The following DYM variants were observed in gnomAD, a reference collection of about 807,000 sequenced individuals.
The protein encoded by DYM is dymeclin, also known as dyggve-Melchior-Clausen syndrome protein.
Under a neutral mutation model 93.1 loss-of-function variants are expected in DYM, and 78 were observed. The ratio of observed to expected loss-of-function variants is 0.84; its 90% CI spans 0.70 to 1.01. The LOEUF (loss-of-function observed/expected upper bound fraction) is 1.01. Among genes scored for constraint, DYM ranks in the 50% least tolerant of loss-of-function variants. The pLI, the probability that DYM is intolerant of heterozygous loss-of-function variation, is 0.00. For synonymous variants in DYM, 321 were observed against 319.7 expected (o/e 1.00, Z -0.04); for missense variants, 789 against 845.0 (o/e 0.93, Z 0.82).
chr18:49,116,299 A>G (rs958847259), intron 16 of DYM: 1 of 152,228 alleles, frequency 6.6e-6, no homozygotes, highest in Non-Finnish European at 1.5e-5. Flanking sequence ...TAGAGAACTG[A>G]GCTAGAAGCA....
intron 15 of DYM, among the ~76,000 whole-genome samples, chr18:49,147,918 C>T (rs891280294): frequency 2.1e-4 from 32 of 152,230 alleles, no homozygotes; most frequent in East Asian, 5.8e-4. Context: ...GCACTATTCA[C>T]GATAGCAAAG....
intron 10 of DYM, among the ~76,000 whole-genome samples, chr18:49,275,322 T>C (rs1483816821): frequency 2.0e-5 from 3 of 152,192 alleles, no homozygotes; most frequent in African/African-American, 4.8e-5. Flanking sequence ...ACTCCATTGA[T>C]GTATTATGTC....
chr18:49,415,678 A>G (rs1354463163), intron 2 of DYM, among the ~76,000 whole-genome samples: 2 of 152,114 alleles, frequency 1.3e-5, no homozygotes, highest in Non-Finnish European at 2.9e-5. Flanking sequence ...CTGTAATCCC[A>G]GCACTTTTGG....
At chr18:49,193,991 CT>C (rs2091214233) in intron 14 of DYM, among the ~76,000 whole-genome samples, 1 of 152,212 alleles carries the variant, frequency 6.6e-6, no homozygotes, top group Non-Finnish European at 1.5e-5. Flanking sequence ...ATTTACATCA[CT>C]GTCTATTTAA....
chr18:49,411,117 C>A (rs2072193079), intron 2 of DYM, among the ~76,000 whole-genome samples: 1 of 152,102 alleles, frequency 6.6e-6, no homozygotes, highest in Non-Finnish European at 1.5e-5. Context: ...AGTAACTTGT[C>A]CAATGTCACG....
At chr18:49,050,833 T>G (rs2072344392) in intron 17 of DYM, among the ~76,000 whole-genome samples, 1 of 152,092 alleles carries the variant, frequency 6.6e-6, no homozygotes. Context: ...TTTCCCCAAC[T>G]AGAACAAACA....
chr18:49,386,657 T>C (rs1263592063), intron 3 of DYM, among the ~76,000 whole-genome samples: 3 of 152,168 alleles, frequency 2.0e-5, no homozygotes. Flanking sequence ...TGACTAGATG[T>C]CATGTGGCAC....
chr18:49,098,283 G>T (rs861300), intron 16 of DYM, among the ~76,000 whole-genome samples: 1 of 152,002 alleles, frequency 6.6e-6, no homozygotes, highest in Admixed American at 6.6e-5. Flanking sequence ...AAATTATTGT[G>T]TTTTTGTAAA....
chr18:49,438,073 G>A (rs1262770397), intron 1 of DYM, among the ~76,000 whole-genome samples: 2 of 152,006 alleles, frequency 1.3e-5, no homozygotes, highest in East Asian at 1.9e-4. Flanking sequence ...TGTGGTCCCA[G>A]CTACTCAGAA....
In DYM at chr18:49,258,839, CAGAGAGAGAGAGAGAGAGAGAG is replaced by C. The variant is rs61360021; in HGVS notation, c.1252-368_1252-347del. 8.8e-4 allele frequency among the ~76,000 whole-genome samples: 100 copies of C among 113,746 alleles called. 1 individual carries two copies. Among genetic ancestry groups the C allele is most frequent in the East Asian group, 6.8e-3 (23 of 3,360 alleles). The allele number at this position is 113,746 out of a possible 152,430, so 74.6% of individuals were successfully genotyped here. On this transcript the variant is annotated intron_variant, in intron 11 of 17. Transcript: ENST00000675505. Reference sequence around the variant, plus strand: ...ACACACACAGAGACACACACACACACAGAGAGAGAGAGAGAGAGAGAGAGAGAGAGAGAGAGAGAGAGAGAGA... The same window carrying C: ...ACACACACAGAGACACACACACACACAGAGAGAGAGAGAGAGAGAGAGAGA...
chr18:49,318,597 G>A (rs1379437074), intron 8 of DYM, among the ~76,000 whole-genome samples: 3 of 151,122 alleles, frequency 2.0e-5, no homozygotes, highest in Non-Finnish European at 4.4e-5. Flanking sequence ...ACTCCAGCCT[G>A]GTGACACAGC....
chr18:49,240,883 A>G (rs975541845), intron 13 of DYM, among the ~76,000 whole-genome samples: 1 of 152,242 alleles, frequency 6.6e-6, no homozygotes, highest in Non-Finnish European at 1.5e-5. Flanking sequence ...AAGATTTATA[A>G]CAACTAATCA....
At chr18:49,091,461 A>T (rs2079044494) in intron 17 of DYM, among the ~76,000 whole-genome samples, 1 of 152,172 alleles carries the variant, frequency 6.6e-6, no homozygotes, top group Non-Finnish European at 1.5e-5. Flanking sequence ...TGAGGCCAGC[A>T]GATATCTGGA....
At chr18:49,151,746 G>A (rs1173408373) in intron 15 of DYM, among the ~76,000 whole-genome samples, 1 of 152,126 alleles carries the variant, frequency 6.6e-6, no homozygotes, top group African/African-American at 2.4e-5. Context: ...TATTTGCCAT[G>A]TAAATCAAGG....
At chr18:49,455,977 C>A (rs922341230) in intron 1 of DYM, among the ~76,000 whole-genome samples, 1 of 152,020 alleles carries the variant, frequency 6.6e-6, no homozygotes, top group Non-Finnish European at 1.5e-5. Flanking sequence ...TGCTAATTCC[C>A]TACCCAATCT....
At chr18:49,215,648 A>C (rs1206412526) in intron 13 of DYM, among the ~76,000 whole-genome samples, 1 of 152,226 alleles carries the variant, frequency 6.6e-6, no homozygotes, top group Admixed American at 6.5e-5. Flanking sequence ...ATGCTGCTTA[A>C]AATTATACAT....
chr18:49,280,943 T>C (rs563939076), intron 10 of DYM, among the ~76,000 whole-genome samples: 25 of 152,202 alleles, frequency 1.6e-4, no homozygotes, highest in African/African-American at 5.3e-4. Context: ...AAAGCCAAAA[T>C]TGACAAATGG....
At chr18:49,290,029 T>C (rs555730806) in intron 8 of DYM, among the ~76,000 whole-genome samples, 5 of 151,412 alleles carry the variant, frequency 3.3e-5, no homozygotes, top group Admixed American at 6.6e-5. Context: ...GCAGTTTTCA[T>C]TGAAAATAAA....
At chr18:49,279,377 C>T (rs1339763877) in intron 10 of DYM, among the ~76,000 whole-genome samples, 2 of 152,134 alleles carry the variant, frequency 1.3e-5, no homozygotes, top group African/African-American at 4.8e-5. Context: ...GAATTGATAA[C>T]TACAACAAAA....
Sources: allele counts gnomAD v4.1 joint callset (sites outside exome capture counted in the v4.1 genomes callset), GRCh38; gene constraint gnomAD v4.1.1; transcripts MANE v1.5; gene names NCBI Gene and HGNC (gene_info 2026-07-23, HGNC 2026-07-21).